The following DGKB variants were observed in gnomAD, a reference collection of about 807,000 sequenced individuals.
DGKB encodes diacylglycerol kinase beta, also known as 90 kDa diacylglycerol kinase.
DGKB carries 67 observed loss-of-function variants against 114.3 expected under a neutral mutation model. The observed-to-expected ratio is 0.59, with a 90% confidence interval of 0.48 to 0.72. DGKB has a LOEUF of 0.72. DGKB is among the 30% of genes least tolerant of loss of function. The pLI, the probability that DGKB is intolerant of heterozygous loss-of-function variation, is 0.00. For missense variants in DGKB, 907 were observed against 975.2 expected (o/e 0.93, Z 0.93); for synonymous variants, 398 against 323.1 (o/e 1.23, Z -2.49).
intron 23 of DGKB, among the ~76,000 whole-genome samples, chr7:14,249,816 T>A (rs1387689215): frequency 1.3e-5 from 2 of 152,138 alleles, no homozygotes; most frequent in African/African-American, 4.8e-5. Context: ...CATTTTCTCA[T>A]GTTTATTTCA....
intron 23 of DGKB, among the ~76,000 whole-genome samples, chr7:14,246,804 G>A (rs906026825): frequency 6.8e-6 from 1 of 146,666 alleles, no homozygotes; most frequent in South Asian, 2.1e-4. Flanking sequence ...GTTACCTTTT[G>A]TGTGTGTGTG....
intron 21 of DGKB, among the ~76,000 whole-genome samples, chr7:14,423,492 A>C (rs1186895684): frequency 6.6e-6 from 1 of 152,078 alleles, no homozygotes; most frequent in Non-Finnish European, 1.5e-5. Context: ...CTGGTTTATA[A>C]TTAATACATA....
In DGKB at chr7:14,438,180, C is replaced by T. The variant is rs73280329; in HGVS notation, c.1835+39981G>A. Among the ~76,000 whole-genome samples the T allele has an allele frequency of 9.3e-3, 1,407 of 152,060 alleles. 24 individuals are homozygous for T. Among genetic ancestry groups the T allele is most frequent in the African/African-American group, 0.032 (1,345 of 41,492 alleles). ...TTCAAACTTGACAGATTTCTGACCC[C>T]AGTTGTTAGTGTAACACTAGAATAG... On this transcript the variant is annotated intron_variant, in intron 21 of 25. Coordinates refer to ENST00000402815, the MANE Select transcript of DGKB (RefSeq NM_001350709.2).
chr7:14,939,922 T>G (rs1785480583), intron 1 of DGKB, among the ~76,000 whole-genome samples: 1 of 152,144 alleles, frequency 6.6e-6, no homozygotes, highest in South Asian at 2.1e-4. Flanking sequence ...CAATTCATAT[T>G]TATAAAATTG....
intron 23 of DGKB, among the ~76,000 whole-genome samples, chr7:14,287,939 C>A (rs1801132285): frequency 6.6e-6 from 1 of 152,068 alleles, no homozygotes. Context: ...TGCCTCATTT[C>A]CACATTAGTC....
At position 14,569,376 on chromosome 7, in the gene DGKB, T is replaced by A. The variant is rs181215349; in HGVS notation, c.1770+4836A>T. Among the ~76,000 whole-genome samples, 5 of 152,322 alleles carry A rather than the reference T, an allele frequency of 3.3e-5. 1 individual carries two copies. The highest frequency in any genetic ancestry group is 3.3e-4 in the Admixed American group (5 of 15,302). ...TGATCTGCCTTAAAATCATAAACAT[T>A]CTATCACATAGTTTTTATTAGTTTC... On this transcript the variant is annotated intron_variant, in intron 20 of 25. Coordinates refer to ENST00000402815, the MANE Select transcript of DGKB (RefSeq NM_001350709.2).
In DGKB at chr7:14,753,908, T is replaced by C; in HGVS notation, c.168+20A>G. The stretch of plus-strand genomic sequence containing the variant: ...TAAAGAAAGAAAAGACAGACTTTAA[T>C]AGAAAAGAAAATGTCTTACTTGGTT... On this transcript the variant is annotated intron_variant, in intron 4 of 25. Transcript: ENST00000402815. The C allele has an allele frequency of 7.0e-7, 1 of 1,438,354 alleles. No homozygotes were observed. Among genetic ancestry groups the C allele is most frequent in the Non-Finnish European group, 9.6e-7 (1 of 1,043,534 alleles). 89.1% of individuals were successfully genotyped at this position (1,438,354 alleles called of 1,614,324 possible).
intron 20 of DGKB, among the ~76,000 whole-genome samples, chr7:14,506,170 T>G (rs1787019779): frequency 6.6e-6 from 1 of 152,160 alleles, no homozygotes; most frequent in African/African-American, 2.4e-5. Context: ...TAACTCAGAA[T>G]AAAGATTTTG....
chr7:14,368,020 CATG>C (rs1326055506), intron 21 of DGKB, among the ~76,000 whole-genome samples: 8 of 152,012 alleles, frequency 5.3e-5, no homozygotes, highest in African/African-American at 1.9e-4. Flanking sequence ...GCATTTTTGA[CATG>C]ATATTTTCTT....
In DGKB at chr7:14,566,717, C is replaced by A. The variant is rs866657637; in HGVS notation, c.1770+7495G>T. ...CTTTCATGTTACTCACTCCCCCTATCCCTCTCCATGCTCCAGGCACATTGA... is the reference window on the plus strand; with the variant it reads ...CTTTCATGTTACTCACTCCCCCTATACCTCTCCATGCTCCAGGCACATTGA... On this transcript the variant is annotated intron_variant, in intron 20 of 25. Coordinates refer to ENST00000402815, the MANE Select transcript of DGKB (RefSeq NM_001350709.2). Among the ~76,000 whole-genome samples the A allele has an allele frequency of 3.9e-5, 6 of 152,116 alleles. 1 individual carries two copies. The South Asian group carries it at 1.2e-3, about 32-fold the overall frequency.
chr7:14,606,209 T>G (rs1804479053), intron 17 of DGKB, among the ~76,000 whole-genome samples: 1 of 152,124 alleles, frequency 6.6e-6, no homozygotes, highest in African/African-American at 2.4e-5. Context: ...TGGCTTTATC[T>G]ACTTGGGGAC....
chr7:14,380,406 C>G (rs1819248343), intron 21 of DGKB, among the ~76,000 whole-genome samples: 1 of 151,962 alleles, frequency 6.6e-6, no homozygotes, highest in Non-Finnish European at 1.5e-5. Context: ...CAATGTAAAT[C>G]ATATAAACAT....
chr7:14,301,057 T>C (rs1451293747), intron 23 of DGKB, among the ~76,000 whole-genome samples: 1 of 152,130 alleles, frequency 6.6e-6, no homozygotes, highest in South Asian at 2.1e-4. Context: ...TATATTTGTA[T>C]ATATTTGACA....
At chr7:14,517,713 C>G (rs1163812818) in intron 20 of DGKB, among the ~76,000 whole-genome samples, 1 of 151,784 alleles carries the variant, frequency 6.6e-6, no homozygotes, top group African/African-American at 2.4e-5. Context: ...AAAAAAGGCC[C>G]AAAATCAATA....
intron 25 of DGKB, among the ~76,000 whole-genome samples, chr7:14,161,761 C>G (rs575669024): frequency 6.6e-6 from 1 of 151,888 alleles, no homozygotes; most frequent in African/African-American, 2.4e-5. Context: ...CACATGTATA[C>G]CTATGTAACA....
intron 22 of DGKB, among the ~76,000 whole-genome samples, chr7:14,339,306 G>T (rs1013823579): frequency 6.6e-6 from 1 of 151,934 alleles, no homozygotes; most frequent in African/African-American, 2.4e-5. Flanking sequence ...GAAGTCCTAA[G>T]GAGATGTCAA....
Position 14,372,304 on chromosome 7 carries a change from T to A in DGKB, c.1836-26913A>T, listed in dbSNP as rs1021740036. Among the ~76,000 whole-genome samples, 4 of 152,176 alleles carry A rather than the reference T, an allele frequency of 2.6e-5. No homozygotes were observed. In the South Asian group the frequency reaches 8.3e-4, roughly 31 times the overall value. ...TCATGGTTCTGGTTGATTCCTTTTT[T>A]CCTTCTTGAATTAAAGCTCACATAG... is the stretch of plus-strand genomic sequence containing the variant. On this transcript the variant is annotated intron_variant, in intron 21 of 25. Transcript: ENST00000402815.
chr7:14,691,352 A>C (rs943237569), intron 9 of DGKB, among the ~76,000 whole-genome samples: 1 of 152,232 alleles, frequency 6.6e-6, no homozygotes, highest in African/African-American at 2.4e-5. Flanking sequence ...ACCTAACAAG[A>C]CAAGCTTCAC....
In DGKB at chr7:14,338,716, C is replaced by G; in HGVS notation, c.1927-6G>C. On this transcript the variant is annotated splice_polypyrimidine_tract_variant and splice_region_variant and intron_variant, in intron 22 of 25. Coordinates refer to ENST00000402815, the MANE Select transcript of DGKB (RefSeq NM_001350709.2). ...TCTATCTGTACTCCATCACACTGAT[C>G]GGTAAAAAGAAAGAAACAGAAACGG... 1 of 1,417,866 alleles carries G rather than the reference C, an allele frequency of 7.1e-7. No homozygotes were observed. Among genetic ancestry groups the G allele is most frequent in the Non-Finnish European group, 9.3e-7 (1 of 1,073,212 alleles). 87.8% of individuals were successfully genotyped at this position (1,417,866 alleles called of 1,614,324 possible).
Sources: gnomAD v4.1 joint callset for allele counts (sites outside exome capture counted in the v4.1 genomes callset) on GRCh38, gnomAD v4.1.1 for gene constraint, MANE v1.5 for transcripts, NCBI Gene and HGNC (gene_info 2026-07-23, HGNC 2026-07-21) for gene names.